The following ADD3 variants were observed in gnomAD, a reference collection of about 807,000 sequenced individuals.
The protein encoded by ADD3 is adducin 3.
Under a neutral mutation model 80.2 loss-of-function variants are expected in ADD3, and 25 were observed. The ratio of observed to expected loss-of-function variants is 0.31; its 90% confidence interval spans 0.23 to 0.44. The LOEUF is 0.44. ADD3 is among the 20% of genes least tolerant of loss of function. The probability of loss-of-function intolerance (pLI) is 1.00; values close to 1 mark genes in which losing one functional copy is unlikely to be tolerated. For synonymous variants in ADD3, 284 were observed against 289.6 expected (o/e 0.98, Z 0.20); for missense variants, 829 against 847.5 (o/e 0.98, Z 0.27).
intron 1 of ADD3, among the ~76,000 whole-genome samples, chr10:110,083,657 C>T (rs1233068769): frequency 6.6e-6 from 1 of 151,954 alleles, no homozygotes; most frequent in Non-Finnish European, 1.5e-5. Flanking sequence ...TTTTCAGGGC[C>T]TGAATTTTAG....
At chr10:110,059,853 A>C (rs866821009) in intron 1 of ADD3, among the ~76,000 whole-genome samples, 1 of 152,182 alleles carries the variant, frequency 6.6e-6, no homozygotes, top group East Asian at 1.9e-4. Context: ...TCTTGCTACA[A>C]CCTGTTTATT....
At chr10:110,051,595 A>G (rs1483461471) in intron 1 of ADD3, among the ~76,000 whole-genome samples, 1 of 152,210 alleles carries the variant, frequency 6.6e-6, no homozygotes, top group Non-Finnish European at 1.5e-5. Context: ...ATGGCTCTCT[A>G]AGTCCTGAAA....
chr10:110,022,776 A>G (rs775411936), intron 1 of ADD3, among the ~76,000 whole-genome samples: 1 of 152,200 alleles, frequency 6.6e-6, no homozygotes, highest in Non-Finnish European at 1.5e-5. Context: ...CTCATTGGGG[A>G]GAAACAATTC....
intron 5 of ADD3, among the ~76,000 whole-genome samples, chr10:110,118,156 C>T (rs1311294245): frequency 6.6e-6 from 1 of 151,992 alleles, no homozygotes; most frequent in Non-Finnish European, 1.5e-5. Flanking sequence ...TCCATGACTA[C>T]TCCTAGCCAC....
intron 12 of ADD3, among the ~76,000 whole-genome samples, chr10:110,126,781 G>A (rs1026738018): frequency 6.6e-6 from 1 of 152,158 alleles, no homozygotes; most frequent in African/African-American, 2.4e-5. Context: ...CTGATCTCAG[G>A]TGATCCTCCA....
intron 1 of ADD3, among the ~76,000 whole-genome samples, chr10:110,064,484 A>G (rs896039275): frequency 6.6e-6 from 1 of 152,158 alleles, no homozygotes; most frequent in Admixed American, 6.5e-5. Flanking sequence ...TTTCCCTTAT[A>G]ACTAATGATG....
chr10:110,028,881 C>CT lies in ADD3; in HGVS notation c.-30+20597dup, dbSNP rs755564434. ...CATATGATACAAATTCATCACTTTC[C>CT]TTTTTTTTTTTTTTTGAAACGGAGT... is the stretch of plus-strand genomic sequence containing the variant. On this transcript the variant is annotated intron_variant, in intron 1 of 14. Coordinates refer to ENST00000356080, the MANE Select transcript of ADD3 (RefSeq NM_016824.5). Among the ~76,000 whole-genome samples, 1,345 of 140,242 alleles carry CT rather than the reference C, an allele frequency of 9.6e-3. 9 individuals carry two copies. Among genetic ancestry groups the CT allele is most frequent in the Middle Eastern group, 0.015 (4 of 274 alleles). The allele number at this position is 140,242 out of a possible 152,430, so 92.0% of individuals were successfully genotyped here. A position where few individuals can be genotyped will look rare whatever the true frequency, so the allele number is the denominator to read the frequency against.
At chr10:110,102,047 A>G (rs923918820) in intron 2 of ADD3, among the ~76,000 whole-genome samples, 2 of 152,236 alleles carry the variant, frequency 1.3e-5, no homozygotes, top group Admixed American at 1.3e-4. Context: ...TAATTCTCCC[A>G]TACCAGTGGC....
intron 1 of ADD3, among the ~76,000 whole-genome samples, chr10:110,099,890 AT>A (rs1848605411): frequency 1.3e-5 from 2 of 152,180 alleles, no homozygotes; most frequent in East Asian, 1.9e-4. Flanking sequence ...GTTTAAGACT[AT>A]TTTTTCCCTA....
At chr10:110,062,070 TA>T (rs1198896011) in intron 1 of ADD3, among the ~76,000 whole-genome samples, 4 of 150,846 alleles carry the variant, frequency 2.7e-5, no homozygotes, top group African/African-American at 9.8e-5. Flanking sequence ...CTACAAAAAA[TA>T]AAATATCGAG....
At chr10:110,051,397 T>C (rs1159411273) in intron 1 of ADD3, among the ~76,000 whole-genome samples, 2 of 152,244 alleles carry the variant, frequency 1.3e-5, no homozygotes, top group South Asian at 2.1e-4. Flanking sequence ...GGAAAAACTA[T>C]ACAGTGGTTC....
At chr10:110,118,075 A>AC in intron 5 of ADD3, among the ~76,000 whole-genome samples, 1 of 129,818 alleles carries the variant, frequency 7.7e-6, no homozygotes, top group Non-Finnish European at 1.7e-5. Context: ...CACACACACA[A>AC]TGTTCATAGC....
intron 1 of ADD3, among the ~76,000 whole-genome samples, chr10:110,067,340 ATTATG>A (rs1193315796): frequency 2.0e-5 from 3 of 152,210 alleles, no homozygotes; most frequent in Non-Finnish European, 4.4e-5. Flanking sequence ...ATAAATGTAT[ATTATG>A]TTATTACTTC....
At chr10:110,115,303 G>A (rs1209049669) in intron 3 of ADD3, among the ~76,000 whole-genome samples, 6 of 151,994 alleles carry the variant, frequency 3.9e-5, no homozygotes, top group East Asian at 1.9e-4. Context: ...CGGGAGAATC[G>A]CTTTGAACCT....
At chr10:110,030,190 G>A (rs756219623) in intron 1 of ADD3, among the ~76,000 whole-genome samples, 1 of 151,132 alleles carries the variant, frequency 6.6e-6, no homozygotes, top group Non-Finnish European at 1.5e-5. Flanking sequence ...GGGCATGGTG[G>A]CACATGCTTG....
rs773453290 is a variant in ADD3 at position 110,112,858 on chromosome 10, C to A, written c.277C>A (p.Gln93Lys). 6.2e-7 allele frequency: 1 copy of A among 1,614,084 alleles called. No homozygotes were observed. Among genetic ancestry groups the A allele is most frequent in the Non-Finnish European group, 8.5e-7 (1 of 1,179,992 alleles). Residue 93 changes from glutamine (Q) to lysine (K), a missense_variant, in exon 3 of 15, where the codon CAG (glutamine) becomes AAG (lysine). Physicochemically the swap from Gln to Lys is moderately conservative, Grantham distance 53. Transcript: ENST00000356080. ...HNPTGLLALQQIADYIMANSF... is the reference protein window; with the variant it reads ...HNPTGLLALQKIADYIMANSF... ...CCCAACTGGATTACTAGCATTACAG[C>A]AGATTGCAGATTACATCATGGCCAA...
At chr10:110,108,555 C>T (rs999493444) in intron 2 of ADD3, among the ~76,000 whole-genome samples, 4 of 151,916 alleles carry the variant, frequency 2.6e-5, no homozygotes, top group Admixed American at 2.6e-4. Flanking sequence ...TGATTAACTA[C>T]CCATCTCAAA....
intron 1 of ADD3, among the ~76,000 whole-genome samples, chr10:110,023,858 T>A (rs774277443): frequency 2.6e-5 from 4 of 152,214 alleles, no homozygotes; most frequent in Non-Finnish European, 5.9e-5. Flanking sequence ...ATGCTGTGTT[T>A]TTGCATTTAA....
intron 1 of ADD3, among the ~76,000 whole-genome samples, chr10:110,041,018 C>A (rs1453265297): frequency 6.6e-6 from 1 of 152,122 alleles, no homozygotes; most frequent in Non-Finnish European, 1.5e-5. Flanking sequence ...CTCTCTGTCT[C>A]ACTCATGCTG....
Sources: allele counts gnomAD v4.1 joint callset (sites outside exome capture counted in the v4.1 genomes callset), GRCh38; gene constraint gnomAD v4.1.1; transcripts MANE v1.5; gene names NCBI Gene and HGNC (gene_info 2026-07-23, HGNC 2026-07-21).